Variants in WNT7A observed in about 807,000 individuals in gnomAD.
WNT7A encodes the protein protein Wnt-7a.
In WNT7A, 16 loss-of-function variants were observed where a neutral mutation model predicts 28.2. The ratio of observed to expected loss-of-function variants is 0.57; its 90% CI spans 0.38 to 0.86. The LOEUF is 0.86. Among genes scored for constraint, WNT7A ranks in the 40% least tolerant of loss-of-function variants. The pLI is 0.00. For missense variants in WNT7A, 411 were observed against 489.7 expected (o/e 0.84, Z 1.52); for synonymous variants, 190 against 195.9 (o/e 0.97, Z 0.25).
chr3:13,847,648 T>C (rs144375402), intron 3 of WNT7A, among the ~76,000 whole-genome samples: 2 of 152,338 alleles, frequency 1.3e-5, no homozygotes, highest in East Asian at 1.9e-4. Context: ...ATAGAAAAGT[T>C]AATTCAAAGC....
rs530331682 is a variant in WNT7A, at chr3:13,839,444, C to A, written c.570+15088G>T. On this transcript the variant is annotated intron_variant, in intron 3 of 3. Transcript: ENST00000285018. Reference sequence around the variant, plus strand: ...TTGATGCCTTTGGCCCTTAGTCATACCCTCAGCCCATGGCGTCCTTTAAAC... The same window carrying A: ...TTGATGCCTTTGGCCCTTAGTCATAACCTCAGCCCATGGCGTCCTTTAAAC... Among the ~76,000 whole-genome samples, 8 of 152,282 alleles carry A rather than the reference C, an allele frequency of 5.3e-5. No homozygotes were observed. The South Asian group carries it at 1.7e-3, about 32-fold the overall frequency.
intron 1 of WNT7A, among the ~76,000 whole-genome samples, chr3:13,876,735 C>G (rs1695116545): frequency 7.5e-6 from 1 of 134,216 alleles, no homozygotes; most frequent in South Asian, 2.3e-4. Flanking sequence ...TCTGTCCTTG[C>G]TCCTCCTCTC....
chr3:13,872,530 C>T (rs1168152774), intron 2 of WNT7A, among the ~76,000 whole-genome samples: 1 of 152,162 alleles, frequency 6.6e-6, no homozygotes, highest in East Asian at 1.9e-4. Flanking sequence ...TCCTTCCAGG[C>T]TCCTCCGACC....
chr3:13,817,423 T>TACACACACACACACACAC lies in WNT7A; in HGVS notation c.*1503_*1520dup, dbSNP rs56090932. 1 of 143,328 alleles carries TACACACACACACACACAC rather than the reference T, an allele frequency of 7.0e-6. No homozygotes were observed. Among genetic ancestry groups the TACACACACACACACACAC allele is most frequent in the Admixed American group, 6.9e-5 (1 of 14,404 alleles). The allele number at this position is 143,328 out of a possible 1,614,324, so 8.9% of individuals were successfully genotyped here. A position where few individuals can be genotyped will look rare whatever the true frequency, so the allele number is the denominator to read the frequency against. The stretch of plus-strand genomic sequence containing the variant: ...CACTCAAGTCCCTAAGAAGATACAG[T>TACACACACACACACACAC]ACACACACACACACACACACACACA... On this transcript the variant is annotated 3_prime_UTR_variant, in exon 4 of 4. Coordinates refer to ENST00000285018, the MANE Select transcript of WNT7A (RefSeq NM_004625.4).
Position 13,816,596 on chromosome 3 carries a change from C to G in WNT7A, c.*2348G>C, listed in dbSNP as rs12487265. 24,439 of 152,224 alleles carry G rather than the reference C, an allele frequency of 0.16. 2,764 individuals are homozygous for G. Among genetic ancestry groups the G allele is most frequent in the African/African-American group, 0.32 (13,321 of 41,470 alleles). The allele number at this position is 152,224 out of a possible 1,614,324, so 9.4% of individuals were successfully genotyped here. A position where few individuals can be genotyped will look rare whatever the true frequency, so the allele number is the denominator to read the frequency against. On this transcript the variant is annotated 3_prime_UTR_variant, in exon 4 of 4. Transcript: ENST00000285018. ...AGCCATCCTGATCATGGCAGATCTG[C>G]TAGGTTTTCCAAAGCAAAGATAAAA...
intron 3 of WNT7A, among the ~76,000 whole-genome samples, chr3:13,853,052 C>T (rs1208066344): frequency 6.6e-6 from 1 of 151,840 alleles, no homozygotes; most frequent in Non-Finnish European, 1.5e-5. Flanking sequence ...CAGCTCCTGA[C>T]CCCACTCAAA....
At position 13,875,239 on chromosome 3, in the gene WNT7A, C is replaced by T. The variant is rs944029330; in HGVS notation, c.72-66G>A. 1.0e-5 allele frequency: 16 copies of T among 1,561,524 alleles called. No homozygotes were observed. In the Admixed American group the frequency reaches 1.5e-4, roughly 15 times the overall value. On this transcript the variant is annotated intron_variant, in intron 1 of 3. Coordinates refer to ENST00000285018, the MANE Select transcript of WNT7A (RefSeq NM_004625.4). Reference sequence around the variant, plus strand: ...AAGGGGGCATGGCCTGGGAACCCTTCGTAGGTGTCCAGCACTGGCCACCCC... The same window carrying T: ...AAGGGGGCATGGCCTGGGAACCCTTTGTAGGTGTCCAGCACTGGCCACCCC...
intron 3 of WNT7A, among the ~76,000 whole-genome samples, chr3:13,831,442 G>C (rs1232109563): frequency 6.6e-6 from 1 of 152,220 alleles, no homozygotes; most frequent in Non-Finnish European, 1.5e-5. Context: ...TCTGGCTGTA[G>C]AGCTGTAATG....
chr3:13,819,052 G>T lies in WNT7A; in HGVS notation c.942C>A (p.Asn314Lys), dbSNP rs774801091. 1 of 1,613,914 alleles carries T rather than the reference G, an allele frequency of 6.2e-7. No individual in the cohort carries two copies. ...GCCACACGCGGGCGTACTGGTGGGT[G>T]TTGTAGCCACGCCCACAGCACATGA... ...CDLMCCGRGY[N>K]THQYARVWQC... The change falls in exon 4 of 4, where the codon AAC becomes AAA. Residue 314 changes from asparagine (N) to lysine (K), a missense_variant. By Grantham distance (94) the Asn-to-Lys change is moderately conservative. Transcript: ENST00000285018.
At chr3:13,821,156 T>C (rs1056798115) in intron 3 of WNT7A, among the ~76,000 whole-genome samples, 1 of 152,134 alleles carries the variant, frequency 6.6e-6, no homozygotes, top group African/African-American at 2.4e-5. Context: ...GGCTTGGAGG[T>C]GTGATGACAC....
At chr3:13,855,359 G>A (rs1471453768) in intron 2 of WNT7A, among the ~76,000 whole-genome samples, 1 of 92,316 alleles carries the variant, frequency 1.1e-5, no homozygotes, top group Non-Finnish European at 1.9e-5. Context: ...ACTTTCTCAT[G>A]GCAATGAGGG....
chr3:13,861,273 G>C (rs909662436), intron 2 of WNT7A, among the ~76,000 whole-genome samples: 68 of 152,354 alleles, frequency 4.5e-4, no homozygotes, highest in African/African-American at 1.5e-3. Flanking sequence ...ACAGTCTGCT[G>C]TGAAGGACCT....
chr3:13,854,529 T>C lies in WNT7A; in HGVS notation c.570+3A>G. ...CGCCCAGCTGCCCTCCCTGGCTTCC[T>C]ACCTTTCGGCCTGCCTCGTTGTTGT... On this transcript the variant is annotated splice_donor_region_variant and intron_variant, in intron 3 of 3. Coordinates refer to ENST00000285018, the MANE Select transcript of WNT7A (RefSeq NM_004625.4). The C allele has an allele frequency of 6.2e-7, 1 of 1,614,116 alleles. No individual in the cohort carries two copies. The highest frequency in any genetic ancestry group is 1.6e-4 in the Middle Eastern group (1 of 6,062).
intron 3 of WNT7A, among the ~76,000 whole-genome samples, chr3:13,844,905 C>T (rs976787933): frequency 2.0e-5 from 3 of 152,184 alleles, no homozygotes; most frequent in African/African-American, 7.2e-5. Flanking sequence ...CATCACTTGG[C>T]TCCCCTCCCT....
intron 3 of WNT7A, among the ~76,000 whole-genome samples, chr3:13,822,457 A>G (rs1203274522): frequency 6.6e-6 from 1 of 152,278 alleles, no homozygotes; most frequent in Non-Finnish European, 1.5e-5. Context: ...AAGTGAAAGT[A>G]GCCAGATGCA....
intron 3 of WNT7A, among the ~76,000 whole-genome samples, chr3:13,843,606 C>G (rs1367220218): frequency 6.6e-6 from 1 of 152,090 alleles, no homozygotes; most frequent in East Asian, 1.9e-4. Context: ...CCAACCAGAG[C>G]CTCAGCTGCC....
intron 2 of WNT7A, among the ~76,000 whole-genome samples, chr3:13,873,879 G>A (rs569097876): frequency 3.3e-5 from 5 of 152,194 alleles, no homozygotes; most frequent in Non-Finnish European, 7.3e-5. Context: ...AGGTGAAGGG[G>A]GAAGATGGCA....
chr3:13,849,655 C>T (rs1158799777), intron 3 of WNT7A, among the ~76,000 whole-genome samples: 2 of 152,082 alleles, frequency 1.3e-5, no homozygotes, highest in African/African-American at 2.4e-5. Context: ...TCATTCTGTG[C>T]GGTGGTTTCA....
intron 3 of WNT7A, among the ~76,000 whole-genome samples, chr3:13,834,709 C>A (rs1694338381): frequency 6.6e-6 from 1 of 152,174 alleles, no homozygotes. Context: ...GTGCTTCTAG[C>A]CTTTGCTCAA....
Sources: allele counts gnomAD v4.1 joint callset (sites outside exome capture counted in the v4.1 genomes callset), GRCh38; gene constraint gnomAD v4.1.1; transcripts MANE v1.5; gene names NCBI Gene and HGNC (gene_info 2026-07-23, HGNC 2026-07-21).